Variants in RANBP2 observed in about 807,000 individuals in gnomAD.
The protein encoded by RANBP2 is E3 SUMO-protein ligase RanBP2.
Under a neutral mutation model 303.6 loss-of-function variants are expected in RANBP2, and 57 were observed. The ratio of observed to expected loss-of-function variants is 0.19; its 90% CI spans 0.15 to 0.23. RANBP2 has a LOEUF of 0.23. RANBP2 is among the 10% of genes least tolerant of loss of function. The pLI is 1.00. For missense variants in RANBP2, 3,138 were observed against 3,780.8 expected (o/e 0.83, Z 4.46); for synonymous variants, 1,167 against 1,301.5 (o/e 0.90, Z 2.23).
chr2:109,574,715 C>T, the RANBP2 span: 15,511 of 1,605,240 alleles, frequency 9.7e-3, 100 homozygotes, highest in Non-Finnish European at 0.012. Flanking sequence ...TTCAGTTCTT[C>T]TTGGAGATAG....
At chr2:108,954,837 G>GGCT in the RANBP2 span, among the ~76,000 whole-genome samples, 1 of 152,116 alleles carries the variant, frequency 6.6e-6, no homozygotes, top group South Asian at 2.1e-4. Flanking sequence ...CACCATGGCC[G>GGCT]GCTAATTTTT....
At chr2:109,139,974 T>A in the RANBP2 span, among the ~76,000 whole-genome samples, 3 of 152,072 alleles carry the variant, frequency 2.0e-5, no homozygotes, top group African/African-American at 4.8e-5. Flanking sequence ...ATAGCTGCTT[T>A]AAAAAAACAG....
chr2:109,197,837 G>T, the RANBP2 span, among the ~76,000 whole-genome samples: 1 of 152,238 alleles, frequency 6.6e-6, no homozygotes, highest in Non-Finnish European at 1.5e-5. Flanking sequence ...AGGAACTCCA[G>T]GAGAAAGGAA....
At chr2:108,912,733 G>T in the RANBP2 span, 1 of 1,602,144 alleles carries the variant, frequency 6.2e-7, no homozygotes, top group Admixed American at 1.7e-5. Context: ...TGCCAGGGAA[G>T]TTGGCAGAAG....
At chr2:109,687,441 G>C in the RANBP2 span, among the ~76,000 whole-genome samples, 1 of 152,092 alleles carries the variant, frequency 6.6e-6, no homozygotes, top group East Asian at 1.9e-4. Context: ...AGGAGCCCTG[G>C]TTTCTCTTCT....
the RANBP2 span, among the ~76,000 whole-genome samples, chr2:109,041,074 A>T: frequency 2.0e-5 from 3 of 152,186 alleles, no homozygotes. Context: ...AATAAAAATA[A>T]TAAAAAAAGA....
rs763484052 is a variant in RANBP2, at chr2:108,766,591, C to A, written c.6052C>A (p.Gln2018Lys). ...TGACATCCATTTTGAACCAGTAGTT[C>A]AAATGCCCGAAAAAGTAGAACTTGT... Reference protein sequence around the residue: ...SDDIHFEPVVQMPEKVELVTG... With the variant: ...SDDIHFEPVVKMPEKVELVTG... The change falls in exon 20 of 29, where the codon CAA becomes AAA. Residue 2018 changes from glutamine to lysine, a missense_variant. Coordinates refer to ENST00000283195, the MANE Select transcript of RANBP2 (RefSeq NM_006267.5). 1 of 1,611,852 alleles carries A rather than the reference C, an allele frequency of 6.2e-7. No individual in the cohort carries two copies. Among genetic ancestry groups the A allele is most frequent in the Admixed American group, 1.7e-5 (1 of 59,996 alleles).
chr2:109,321,354 G>A, the RANBP2 span, among the ~76,000 whole-genome samples: 1 of 152,188 alleles, frequency 6.6e-6, no homozygotes, highest in African/African-American at 2.4e-5. Context: ...ATACCAGAAC[G>A]TCATCATTCA....
At chr2:109,278,343 G>C in the RANBP2 span, among the ~76,000 whole-genome samples, 2 of 152,228 alleles carry the variant, frequency 1.3e-5, no homozygotes, top group Admixed American at 6.5e-5. Flanking sequence ...ATGGGGGTGG[G>C]CCCAGGGGCA....
At chr2:109,192,897 T>C in the RANBP2 span, among the ~76,000 whole-genome samples, 2 of 152,220 alleles carry the variant, frequency 1.3e-5, no homozygotes, top group Non-Finnish European at 2.9e-5. Flanking sequence ...ATTTATGACA[T>C]TCCAGTGATA....
the RANBP2 span, among the ~76,000 whole-genome samples, chr2:109,078,264 GCGCGTATATATA>G: frequency 1.8e-4 from 3 of 16,858 alleles, no homozygotes; most frequent in African/African-American, 2.8e-4. Context: ...TATATATATA[GCGCGTATATATA>G]TATATATATA....
chr2:108,931,074 C>T, the RANBP2 span: 1 of 1,566,934 alleles, frequency 6.4e-7, no homozygotes. Flanking sequence ...GCGGTAGCAC[C>T]CCAGCCGGGG....
In RANBP2 at chr2:108,736,179, G is replaced by A. The variant is rs1157362129; in HGVS notation, c.712G>A (p.Ala238Thr). Residue 238 changes from alanine to threonine, a missense_variant, in exon 6 of 29, where the codon GCC becomes ACC. Ala to Thr is a moderately conservative substitution (Grantham distance 58). Around this residue, in one of 20 missense-constraint regions of RANBP2, gnomAD observed 306 missense variants for 381.9 expected, o/e 0.80. Coordinates refer to ENST00000283195, the MANE Select transcript of RANBP2 (RefSeq NM_006267.5). The part of the protein sequence containing the change: ...WRATNTDLLL[A>T]YANLMLLTLS... ...AGCAACCAATACAGACTTACTGCTG[G>A]CCTATGCTAATCTTATGCTTCTTAC... 20 of 1,611,788 alleles carry A rather than the reference G, an allele frequency of 1.2e-5. No homozygotes were observed. The highest frequency in any genetic ancestry group is 1.7e-5 in the Non-Finnish European group (20 of 1,179,846).
the RANBP2 span, among the ~76,000 whole-genome samples, chr2:108,898,597 A>G: frequency 0.029 from 4,379 of 152,324 alleles, 200 homozygotes; most frequent in African/African-American, 0.1. Context: ...TAAAAAAAGA[A>G]AATCAATAGA....
the RANBP2 span, among the ~76,000 whole-genome samples, chr2:109,046,092 CAGGA>C: frequency 6.4e-4 from 97 of 152,100 alleles, 1 homozygote; most frequent in Non-Finnish European, 8.2e-4. Context: ...ATCACGAGGT[CAGGA>C]GATTGAGACC....
chr2:109,031,155 A>G, the RANBP2 span, among the ~76,000 whole-genome samples: 1 of 152,108 alleles, frequency 6.6e-6, no homozygotes, highest in Non-Finnish European at 1.5e-5. Flanking sequence ...TGCTACAACA[A>G]AACACCTTAG....
chr2:108,879,361 C>T, the RANBP2 span, among the ~76,000 whole-genome samples: 1 of 152,162 alleles, frequency 6.6e-6, no homozygotes, highest in Non-Finnish European at 1.5e-5. Flanking sequence ...AAAATTTCAA[C>T]ATGAAATATT....
At chr2:109,271,255 G>GC in the RANBP2 span, among the ~76,000 whole-genome samples, 1 of 152,180 alleles carries the variant, frequency 6.6e-6, no homozygotes, top group East Asian at 1.9e-4. Context: ...CTCCAGAAAA[G>GC]CCCTGGCCCT....
chr2:108,724,943 C>T lies in RANBP2; in HGVS notation c.73-4189C>T, dbSNP rs2378186. Among the ~76,000 whole-genome samples the T allele has an allele frequency of 8.1e-3, 1,224 of 151,814 alleles. 21 individuals are homozygous for T. The highest frequency in any genetic ancestry group is 0.031 in the Middle Eastern group (9 of 294). On this transcript the variant is annotated intron_variant, in intron 1 of 28. Transcript: ENST00000283195. ...GATTCATTTGACTGTGCAAGATGGG[C>T]GACAGAGTGAGACTCCATCTGAATT...
Sources: gnomAD v4.1 joint callset for allele counts (sites outside exome capture counted in the v4.1 genomes callset) on GRCh38, gnomAD v4.1.1 for gene constraint, gnomAD v4.1.1 regional missense constraint, MANE v1.5 for transcripts, NCBI Gene and HGNC (gene_info 2026-07-23, HGNC 2026-07-21) for gene names.